MIR2052HG: variants seen among roughly 807,000 people sequenced by gnomAD.
MIR2052HG encodes the protein MIR2052 host gene.
intron 1 of MIR2052HG, among the ~76,000 whole-genome samples, chr8:74,602,821 C>CT (rs1227868746): frequency 8.7e-6 from 1 of 115,320 alleles, no homozygotes; most frequent in East Asian, 2.7e-4. Flanking sequence ...GGCCGTGTTT[C>CT]TTTCTTTCTT....
At chr8:74,714,967 A>G (rs914190881) in intron 4 of MIR2052HG, among the ~76,000 whole-genome samples, 1 of 152,298 alleles carries the variant, frequency 6.6e-6, no homozygotes, top group Admixed American at 6.5e-5. Flanking sequence ...GGCGTGAGCC[A>G]CAGTGCCCGG....
In MIR2052HG at chr8:74,602,530, T is replaced by TC. The variant is rs1279799980; in HGVS notation, n.128+2622_128+2623insC. 7.9e-5 allele frequency among the ~76,000 whole-genome samples: 12 copies of TC among 151,856 alleles called. 1 individual carries two copies. Among genetic ancestry groups the TC allele is most frequent in the Non-Finnish European group, 1.5e-5 (1 of 67,926 alleles). On this transcript the variant is annotated intron_variant and non_coding_transcript_variant, in intron 1 of 6. Coordinates refer to ENST00000523442, the Ensembl canonical transcript of MIR2052HG. ...TTCTTTTCTTTCTTTCTTTTTTTTT[T>TC]TGAGACAGTCTTGCTCCATTGCCCA... is the stretch of plus-strand genomic sequence containing the variant.
At chr8:74,719,478 C>CT (rs1187562630) in intron 4 of MIR2052HG, among the ~76,000 whole-genome samples, 1 of 152,124 alleles carries the variant, frequency 6.6e-6, no homozygotes, top group Admixed American at 6.5e-5. Flanking sequence ...CTGGGTGTTG[C>CT]TTTAGGCATT....
intron 2 of MIR2052HG, among the ~76,000 whole-genome samples, chr8:74,648,319 A>C (rs1482947260): frequency 6.6e-6 from 1 of 152,126 alleles, no homozygotes; most frequent in African/African-American, 2.4e-5. Flanking sequence ...CAGTACCCTC[A>C]GCTTACTAGG....
intron 2 of MIR2052HG, among the ~76,000 whole-genome samples, chr8:74,697,043 A>G (rs770459486): frequency 1.3e-5 from 2 of 152,132 alleles, no homozygotes; most frequent in Non-Finnish European, 2.9e-5. Context: ...ACTACAGACT[A>G]ATATCCCTGA....
At chr8:74,757,006 T>G (rs941256406) in intron 5 of MIR2052HG, 2 of 152,260 alleles carry the variant, frequency 1.3e-5, no homozygotes, top group East Asian at 3.9e-4. Context: ...TAGTTGGTAC[T>G]GAATGTGTGA....
intron 4 of MIR2052HG, among the ~76,000 whole-genome samples, chr8:74,732,894 G>A (rs1809707270): frequency 6.6e-6 from 1 of 152,076 alleles, no homozygotes; most frequent in South Asian, 2.1e-4. Flanking sequence ...CTGACTTGTA[G>A]GCTTGGGTAG....
intron 2 of MIR2052HG, among the ~76,000 whole-genome samples, chr8:74,673,887 G>A (rs866495777): frequency 1.2e-4 from 14 of 121,662 alleles, no homozygotes; most frequent in African/African-American, 3.5e-4. Flanking sequence ...GTATTTTTTT[G>A]TATATATATA....
At chr8:74,742,946 T>C (rs763261725) in intron 4 of MIR2052HG, among the ~76,000 whole-genome samples, 2 of 152,030 alleles carry the variant, frequency 1.3e-5, no homozygotes, top group African/African-American at 2.4e-5. Context: ...GTATAAAATT[T>C]GGTTGTGGAA....
At chr8:74,622,625 T>C (rs1808378420) in intron 2 of MIR2052HG, among the ~76,000 whole-genome samples, 1 of 151,160 alleles carries the variant, frequency 6.6e-6, no homozygotes. Context: ...AAAAAAATTT[T>C]AAAAAGAAAA....
intron 2 of MIR2052HG, among the ~76,000 whole-genome samples, chr8:74,662,775 A>T (rs1305253924): frequency 1.3e-5 from 2 of 151,768 alleles, no homozygotes; most frequent in Non-Finnish European, 2.9e-5. Flanking sequence ...GGAGGGGCTT[A>T]TGTGGGCACT....
At chr8:74,677,418 T>C (rs1242763002) in intron 2 of MIR2052HG, among the ~76,000 whole-genome samples, 1 of 152,110 alleles carries the variant, frequency 6.6e-6, no homozygotes, top group Admixed American at 6.5e-5. Flanking sequence ...AAATTAATTA[T>C]GTATGTATTA....
At chr8:74,674,092 A>G in intron 2 of MIR2052HG, among the ~76,000 whole-genome samples, 1 of 150,962 alleles carries the variant, frequency 6.6e-6, no homozygotes, top group East Asian at 1.9e-4. Context: ...AACATAATGG[A>G]AGTTACAATG....
rs200697743 is a variant in MIR2052HG, at chr8:74,708,954, T to C, written n.371+5272T>C. Among the ~76,000 whole-genome samples, 17 of 152,236 alleles carry C rather than the reference T, an allele frequency of 1.1e-4. No homozygotes were observed. In the East Asian group the frequency reaches 2.7e-3, roughly 24 times the overall value. Reference sequence around the variant, plus strand: ...GGCTTTTCTAGTAACTAATTTAGATTAGTAGCTTCATCTTTGTATTTAGTC... The same window carrying C: ...GGCTTTTCTAGTAACTAATTTAGATCAGTAGCTTCATCTTTGTATTTAGTC... On this transcript the variant is annotated intron_variant and non_coding_transcript_variant, in intron 4 of 6. Transcript: ENST00000523442.
At chr8:74,741,854 C>T (rs1563544452) in intron 4 of MIR2052HG, among the ~76,000 whole-genome samples, 2 of 152,104 alleles carry the variant, frequency 1.3e-5, no homozygotes, top group African/African-American at 2.4e-5. Context: ...AACAATGTGG[C>T]ATGAAATGCA....
intron 1 of MIR2052HG, among the ~76,000 whole-genome samples, chr8:74,606,040 G>A (rs557287962): frequency 3.3e-5 from 5 of 152,054 alleles, no homozygotes; most frequent in Admixed American, 2.6e-4. Flanking sequence ...GGAGGTGGGG[G>A]GTCTAGTTAA....
intron 2 of MIR2052HG, among the ~76,000 whole-genome samples, chr8:74,657,624 G>A (rs1243922290): frequency 6.6e-6 from 1 of 152,200 alleles, no homozygotes; most frequent in African/African-American, 2.4e-5. Context: ...CATGGCTGGG[G>A]AGGCCTCACA....
chr8:74,612,999 A>G (rs1808222464), intron 2 of MIR2052HG: 3 of 449,950 alleles, frequency 6.7e-6, no homozygotes, highest in South Asian at 4.7e-5. Flanking sequence ...GATAATGGAC[A>G]AACAGCTGTT....
At chr8:74,687,882 A>T (rs574501494) in intron 2 of MIR2052HG, among the ~76,000 whole-genome samples, 1 of 152,124 alleles carries the variant, frequency 6.6e-6, no homozygotes, top group Non-Finnish European at 1.5e-5. Context: ...AGTGTTGGGT[A>T]TGTTTATTAC....
Sources: gnomAD v4.1 joint callset for allele counts (sites outside exome capture counted in the v4.1 genomes callset) on GRCh38, gnomAD v4.1.1 for gene constraint, MANE v1.5 for transcripts, NCBI Gene and HGNC (gene_info 2026-07-23, HGNC 2026-07-21) for gene names.